PRAMEF2: variants seen among roughly 807,000 people sequenced by gnomAD.
The protein encoded by PRAMEF2 is PRAME family member 2.
In PRAMEF2, 35 loss-of-function variants were observed where a neutral mutation model predicts 38.0. The ratio of observed to expected loss-of-function variants is 0.92; its 90% CI spans 0.70 to 1.22. The LOEUF (loss-of-function observed/expected upper bound fraction) is 1.22, where lower values mean the gene tolerates loss of function less well. PRAMEF2 is among the 50% of genes most tolerant of loss of function. The probability of loss-of-function intolerance (pLI) is 0.00; values close to 1 mark genes in which losing one functional copy is unlikely to be tolerated. For missense variants in PRAMEF2, 562 were observed against 553.9 expected, an observed-to-expected ratio of 1.01 and a Z score of -0.15; for synonymous variants, 240 against 232.4, an observed-to-expected ratio of 1.03 and a Z score of -0.30.
chr1:12,860,530 C>T (rs1331922151), intron 3 of PRAMEF2, among the ~76,000 whole-genome samples: 1 of 149,008 alleles, frequency 6.7e-6, no homozygotes, highest in East Asian at 1.9e-4. Context: ...GTGGGGGTTT[C>T]AGCTCTATTG....
intron 3 of PRAMEF2, among the ~76,000 whole-genome samples, chr1:12,860,725 C>G (rs9726436): frequency 0.15 from 22,701 of 149,474 alleles, 2,127 homozygotes; most frequent in East Asian, 0.29. Flanking sequence ...GTCTGCAAAA[C>G]GTTGTTTTGA....
chr1:12,858,294 T>C lies in PRAMEF2; in HGVS notation c.-25-691T>C, dbSNP rs1330669171. Among the ~76,000 whole-genome samples the C allele has an allele frequency of 1.3e-5, 2 of 150,222 alleles. 1 individual carries two copies. The highest frequency in any genetic ancestry group is 4.9e-5 in the African/African-American group (2 of 40,914). ...ATTTTTGAGTCAGAGTCCAACGCTGTCACCCAGGCTGGAGTGCAGTGGTGT... is the reference window on the plus strand; with the variant it reads ...ATTTTTGAGTCAGAGTCCAACGCTGCCACCCAGGCTGGAGTGCAGTGGTGT... On this transcript the variant is annotated intron_variant, in intron 1 of 3. Coordinates refer to ENST00000240189, the MANE Select transcript of PRAMEF2 (RefSeq NM_023014.1).
At chr1:12,860,801 G>C (rs1249556584) in intron 3 of PRAMEF2, among the ~76,000 whole-genome samples, 1 of 150,060 alleles carries the variant, frequency 6.7e-6, no homozygotes, top group Non-Finnish European at 1.5e-5. Flanking sequence ...GAGTAGGCGT[G>C]AGAGTGGTAA....
At chr1:12,861,023 G>T (rs556550868) in intron 3 of PRAMEF2, among the ~76,000 whole-genome samples, 198 bp from the exon 4 acceptor site, 3 of 149,918 alleles carry the variant, frequency 2.0e-5, no homozygotes, top group East Asian at 3.9e-4. Context: ...ACAAGCAATG[G>T]TGAAAGGGCT....
chr1:12,861,073 C>G, intron 3 of PRAMEF2, 148 bp from the exon 4 acceptor site: 1 of 965,414 alleles, frequency 1.0e-6, no homozygotes, highest in South Asian at 1.7e-5. Flanking sequence ...TCAGGGTCCT[C>G]ATCATGCAGC....
intron 1 of PRAMEF2, 70 bp downstream of exon 1, chr1:12,857,217 A>G (rs970124348): frequency 4.0e-5 from 6 of 148,234 alleles, no homozygotes; most frequent in Non-Finnish European, 7.4e-5. Context: ...GGTGACACAC[A>G]TCCCAAAGTG....
chr1:12,857,662 A>G (rs140102918), intron 1 of PRAMEF2, among the ~76,000 whole-genome samples: 4,915 of 138,176 alleles, frequency 0.036, 129 homozygotes, highest in East Asian at 0.18. Context: ...TTAGAGTTAC[A>G]GTGCTCTAGA....
chr1:12,857,849 C>G (rs1242855944), intron 1 of PRAMEF2, among the ~76,000 whole-genome samples: 1 of 146,880 alleles, frequency 6.8e-6, no homozygotes, highest in Non-Finnish European at 1.5e-5. Flanking sequence ...CAGGCACTCA[C>G]CACCATGCCC....
intron 1 of PRAMEF2, among the ~76,000 whole-genome samples, chr1:12,858,615 G>A (rs1467053831): frequency 6.7e-6 from 1 of 149,984 alleles, no homozygotes; most frequent in African/African-American, 2.4e-5. Flanking sequence ...GGCTGTCTGG[G>A]CCCACGGGAC....
rs1297244116 is a variant in PRAMEF2 at position 12,861,600 on chromosome 1, G to A, written c.1246G>A (p.Glu416Lys). 1.2e-6 allele frequency: 2 copies of A among 1,604,152 alleles called. No individual in the cohort carries two copies. The highest frequency in any genetic ancestry group is 1.7e-6 in the Non-Finnish European group (2 of 1,176,446). ...KLSLETYPAP[E>K]ESLNSLVRVN... ...AAGCCTGGAGACGTATCCTGCCCCT[G>A]AGGAGAGTTTGAATTCCTTGGTTCG... Residue 416 changes from glutamate (E) to lysine (K), a missense_variant, in exon 4 of 4, where the codon GAG becomes AAG. This residue lies in a region of PRAMEF2 where 76 missense variants were observed against 109.6 expected (regional missense o/e 0.69). Coordinates refer to ENST00000240189, the MANE Select transcript of PRAMEF2 (RefSeq NM_023014.1).
intron 3 of PRAMEF2, 92 bp from the exon 4 acceptor site, chr1:12,861,129 T>G: frequency 1.4e-6 from 2 of 1,391,964 alleles, no homozygotes; most frequent in Non-Finnish European, 2.0e-6. Context: ...AAACTTGTGT[T>G]TGGTTGAAGC....
At position 12,859,897 on chromosome 1, in the gene PRAMEF2, G is replaced by C; in HGVS notation, c.492G>C (p.Leu164=). The C allele has an allele frequency of 6.2e-7, 1 of 1,608,488 alleles. No individual in the cohort carries two copies. Among genetic ancestry groups the C allele is most frequent in the South Asian group, 1.1e-5 (1 of 90,842 alleles). ...CLKEIPQDEC[L]RYLFQWVYQR... ...AGGAAATACCCCAGGATGAATGCCT[G>C]AGATACCTCTTCCAGTGGGTTTACC... The change falls in exon 3 of 4, where the codon CTG becomes CTC. Residue 164 remains leucine, a synonymous_variant. Coordinates refer to ENST00000240189, the MANE Select transcript of PRAMEF2 (RefSeq NM_023014.1).
Position 12,860,198 on chromosome 1 carries a change from A to C in PRAMEF2, c.793A>C (p.Arg265=), listed in dbSNP as rs200458517. 6.2e-7 allele frequency: 1 copy of C among 1,606,954 alleles called. No individual in the cohort carries two copies. Among genetic ancestry groups the C allele is most frequent in the South Asian group, 1.1e-5 (1 of 90,532 alleles). ...CACCAGATTCACCTCTGTGTTCCTC[A>C]GGCTGGAACACCTCCAGTTGCTTAA... The part of the protein sequence containing the change: ...LVTRFTSVFL[R]LEHLQLLKIK... The change falls in exon 3 of 4, where the codon AGG becomes CGG. Residue 265 remains arginine (R), a synonymous_variant. Transcript: ENST00000240189.
Position 12,861,409 on chromosome 1 carries a change from A to T in PRAMEF2, c.1055A>T (p.Glu352Val). Residue 352 changes from glutamate (E) to valine (V), a missense_variant, in exon 4 of 4, where the codon GAG becomes GTG. Glu to Val is a moderately radical substitution (Grantham distance 121). Transcript: ENST00000240189. Reference sequence around the variant, plus strand: ...CTAGAGAAAATTGCTGCCTCTCTCGAGACCCTCGTGTTAGAGGGCTGTCAG... The same window carrying T: ...CTAGAGAAAATTGCTGCCTCTCTCGTGACCCTCGTGTTAGAGGGCTGTCAG... ...ALLEKIAASL[E>V]TLVLEGCQIH... The T allele has an allele frequency of 6.2e-7, 1 of 1,602,902 alleles. No individual in the cohort carries two copies. Among genetic ancestry groups the T allele is most frequent in the Middle Eastern group, 1.8e-4 (1 of 5,420 alleles).
At chr1:12,858,545 G>C (rs536583455) in intron 1 of PRAMEF2, among the ~76,000 whole-genome samples, 1 of 150,054 alleles carries the variant, frequency 6.7e-6, no homozygotes, top group Admixed American at 6.9e-5. Context: ...TAATGGCATC[G>C]ATTTTAGGGA....
intron 1 of PRAMEF2, among the ~76,000 whole-genome samples, chr1:12,858,180 C>T (rs1640477370): frequency 1.3e-5 from 2 of 149,980 alleles, no homozygotes; most frequent in South Asian, 4.3e-4. Flanking sequence ...AAGTGATTCT[C>T]CTTCCTCTGC....
chr1:12,857,371 T>A (rs1281956617), intron 1 of PRAMEF2, among the ~76,000 whole-genome samples: 6 of 149,746 alleles, frequency 4.0e-5, no homozygotes, highest in African/African-American at 1.5e-4. Context: ...AAGCAGGTTT[T>A]TTAAAAATAT....
At chr1:12,860,768 G>C (rs879499296) in intron 3 of PRAMEF2, among the ~76,000 whole-genome samples, 1 of 150,054 alleles carries the variant, frequency 6.7e-6, no homozygotes, top group Non-Finnish European at 1.5e-5. Flanking sequence ...TGGGAAATGC[G>C]TGCTTCCGGG....
At chr1:12,858,534 A>T (rs1208148618) in intron 1 of PRAMEF2, among the ~76,000 whole-genome samples, 2 of 150,206 alleles carry the variant, frequency 1.3e-5, no homozygotes, top group East Asian at 3.9e-4. Context: ...AAAATAAAAA[A>T]TAATGGCATC....
Sources: allele counts gnomAD v4.1 joint callset (sites outside exome capture counted in the v4.1 genomes callset), GRCh38; gene constraint gnomAD v4.1.1; regional missense constraint gnomAD v4.1.1; transcripts MANE v1.5; gene names NCBI Gene and HGNC (gene_info 2026-07-23, HGNC 2026-07-21).